Variants in SEPTIN4 observed in about 807,000 individuals in gnomAD.
SEPTIN4 encodes septin 4.
SEPTIN4 carries 52 observed loss-of-function variants against 107.1 expected under a neutral mutation model. The ratio of observed to expected loss-of-function variants is 0.49; its 90% confidence interval spans 0.39 to 0.61. The LOEUF (loss-of-function observed/expected upper bound fraction) is 0.61, where lower values mean the gene tolerates loss of function less well. SEPTIN4 is among the 20% of genes least tolerant of loss of function. The pLI, the probability that SEPTIN4 is intolerant of heterozygous loss-of-function variation, is 0.00. For missense variants in SEPTIN4, 1,048 were observed against 1,243.5 expected, an observed-to-expected ratio of 0.84 and a Z score of 2.36; for synonymous variants, 417 against 467.0, an observed-to-expected ratio of 0.89 and a Z score of 1.38.
At chr17:58,539,611 T>G (rs2043822808) in intron 3 of SEPTIN4, among the ~76,000 whole-genome samples, 1 of 152,216 alleles carries the variant, frequency 6.6e-6, no homozygotes, top group Admixed American at 6.5e-5. Flanking sequence ...TGTCTGTGTT[T>G]TATCTCCCCA....
In SEPTIN4 at chr17:58,521,292, C is replaced by T. The variant is rs756520579; in HGVS notation, c.2630G>A (p.Arg877Gln). 1.8e-5 allele frequency: 29 copies of T among 1,614,100 alleles called. No homozygotes were observed. The East Asian group carries it at 5.6e-4, about 31-fold the overall frequency. ...CCAGGGGTAGAGTCGACCCCGAACT[C>T]GCCGCCCTCTGGCCTCTACTACAGT... ...SNTVVEARGR[R>Q]VRGRLYPWGI... Residue 877 changes from arginine to glutamine, a missense_variant, in exon 11 of 14, where the codon CGA becomes CAA. Coordinates refer to ENST00000672673, the MANE Select transcript of SEPTIN4 (RefSeq NM_001368771.2). This position sits in a 1 kb window ranked among gnomAD's most constrained non-coding sequence, Gnocchi z 6.4.
At position 58,541,962 on chromosome 17, in the gene SEPTIN4, G is replaced by C; in HGVS notation, c.1566C>G (p.Val522=). 6.2e-7 allele frequency: 1 copy of C among 1,613,890 alleles called. No homozygotes were observed. The highest frequency in any genetic ancestry group is 8.5e-7 in the Non-Finnish European group (1 of 1,179,954). Residue 522 remains valine, a synonymous_variant, in exon 2 of 14, where the codon GTC becomes GTG. Transcript: ENST00000672673. ...IQRFTAFFLD[V]SEEMYNRVIW... The stretch of plus-strand genomic sequence containing the variant: ...TGACACGATTGTACATTTCCTCAGA[G>C]ACATCTGAAAGTAACAGAGAGATGG...
intron 7 of SEPTIN4, among the ~76,000 whole-genome samples, chr17:58,523,142 T>C (rs1178494434): frequency 6.6e-6 from 1 of 151,966 alleles, no homozygotes; most frequent in Non-Finnish European, 1.5e-5. Context: ...GAGGCCAAGG[T>C]AGGCTGATCA....
intron 4 of SEPTIN4, 87 bp downstream of exon 4, chr17:58,526,573 AACACACACACACACACACACAC>A (rs3034932): frequency 3.1e-6 from 4 of 1,303,804 alleles, no homozygotes; most frequent in Non-Finnish European, 2.0e-6. Context: ...CACACACACA[AACACACACACACACACACACAC>A]ACACACACAC....
chr17:58,538,991 C>G lies in SEPTIN4; in HGVS notation c.1614+1675G>C. 1 of 552,448 alleles carries G rather than the reference C, an allele frequency of 1.8e-6. No individual in the cohort carries two copies. Among genetic ancestry groups the G allele is most frequent in the Non-Finnish European group, 3.1e-6 (1 of 322,196 alleles). 34.2% of individuals were successfully genotyped at this position (552,448 alleles called of 1,614,324 possible). A position where few individuals can be genotyped will look rare whatever the true frequency, so the allele number is the denominator to read the frequency against. The stretch of plus-strand genomic sequence containing the variant: ...CAGAGGAATCAGAGGCCTTGGACAC[C>G]AGCACCACAGCGTCTCCATCCTGAG... On this transcript the variant is annotated intron_variant, in intron 3 of 13. Transcript: ENST00000672673. This position sits in a 1 kb window ranked among gnomAD's most constrained non-coding sequence, Gnocchi z 4.7.
Position 58,543,393 on chromosome 17 carries a change from C to G in SEPTIN4, c.794G>C (p.Arg265Thr). ...GAGCAATGAGTCCAAGTTCATATTC[C>G]TATACAAGGCCTTGGGTTTTGAAGG... ...PIPSKPKALYRNMNLDSLLKL... is the reference protein window; with the variant it reads ...PIPSKPKALYTNMNLDSLLKL... Residue 265 changes from arginine to threonine, a missense_variant, in exon 1 of 14, where the codon AGG becomes ACG. Arg to Thr is a moderately conservative substitution (Grantham distance 71). Transcript: ENST00000672673. 1.2e-6 allele frequency: 2 copies of G among 1,614,174 alleles called. No individual in the cohort carries two copies. Among genetic ancestry groups the G allele is most frequent in the South Asian group, 2.2e-5 (2 of 91,076 alleles).
chr17:58,529,924 CCTGACCT>C, intron 3 of SEPTIN4: 2 of 152,256 alleles, frequency 1.3e-5, no homozygotes, highest in Middle Eastern at 3.4e-3. Context: ...CCCTAGGACA[CCTGACCT>C]CTGACTTATA....
At position 58,521,712 on chromosome 17, in the gene SEPTIN4, C is replaced by T; in HGVS notation, c.2469+24G>A. On this transcript the variant is annotated intron_variant, in intron 9 of 13. Coordinates refer to ENST00000672673, the MANE Select transcript of SEPTIN4 (RefSeq NM_001368771.2). The surrounding 1 kb of genome is among the most constrained non-coding windows in gnomAD (Gnocchi z 6.4). ...TCCTTTCTAGAAGCCCACCTGATCC[C>T]CTCCCACCACCAGCTTCCCTCACTT... is the stretch of plus-strand genomic sequence containing the variant. 5.0e-6 allele frequency: 8 copies of T among 1,614,230 alleles called. No homozygotes were observed. Among genetic ancestry groups the T allele is most frequent in the Non-Finnish European group, 6.8e-6 (8 of 1,180,040 alleles).
Position 58,542,997 on chromosome 17 carries a change from G to T in SEPTIN4, c.1190C>A (p.Ser397Ter), listed in dbSNP as rs145296956. ...TTCTGCATGGATGGAGGGCTTTTGC[G>T]AGAGTTCTGGATACCTGGGTGTAGG... ...QGPTPRYPEL[S>*]QKPSIHAELE... The change falls in exon 1 of 14, where the codon TCG (serine) becomes TAG (stop). Residue 397 changes from serine (S) to a stop codon, truncating the protein, a stop_gained. Coordinates refer to ENST00000672673, the MANE Select transcript of SEPTIN4 (RefSeq NM_001368771.2). LOFTEE classifies it high-confidence loss of function. 1.2e-6 allele frequency: 2 copies of T among 1,612,470 alleles called. No homozygotes were observed. Among genetic ancestry groups the T allele is most frequent in the South Asian group, 2.2e-5 (2 of 90,840 alleles).
In SEPTIN4 at chr17:58,526,718, G is replaced by C; in HGVS notation, c.1875C>G (p.Ser625Arg). Residue 625 changes from serine (S) to arginine (R), a missense_variant, in exon 4 of 14, where the codon AGC (serine) becomes AGG (arginine). Coordinates refer to ENST00000672673, the MANE Select transcript of SEPTIN4 (RefSeq NM_001368771.2). ...APLSPSARPR[S>R]PWGKLDPYDS... ...CATAGGGATCAAGCTTGCCCCATGGGCTGCGGGGCCTGGCAGATGGGCTGA... is the reference window on the plus strand; with the variant it reads ...CATAGGGATCAAGCTTGCCCCATGGCCTGCGGGGCCTGGCAGATGGGCTGA... The C allele has an allele frequency of 6.2e-7, 1 of 1,604,102 alleles. No individual in the cohort carries two copies.
intron 3 of SEPTIN4, chr17:58,529,949 G>A (rs918437295): frequency 2.0e-5 from 3 of 152,150 alleles, no homozygotes; most frequent in Admixed American, 6.5e-5. Flanking sequence ...ATAGCAACCT[G>A]TATCAATTAG....
chr17:58,541,977 C>CA lies in SEPTIN4; in HGVS notation c.1562-12dup. 2 of 1,613,344 alleles carry CA rather than the reference C, an allele frequency of 1.2e-6. No individual in the cohort carries two copies. Among genetic ancestry groups the CA allele is most frequent in the Non-Finnish European group, 1.7e-6 (2 of 1,179,724 alleles). ...TTTCCTCAGAGACATCTGAAAGTAACAGAGAGATGGTTGCTTTTCTTCTCT... is the reference window on the plus strand; with the variant it reads ...TTTCCTCAGAGACATCTGAAAGTAACAAGAGAGATGGTTGCTTTTCTTCTCT... On this transcript the variant is annotated splice_polypyrimidine_tract_variant and intron_variant, in intron 1 of 13. Transcript: ENST00000672673.
chr17:58,531,831 G>A (rs2043490626), intron 3 of SEPTIN4: 3 of 895,708 alleles, frequency 3.3e-6, no homozygotes, highest in African/African-American at 1.8e-5. Flanking sequence ...GCCCGGGGCC[G>A]GCGACGGCGC....
intron 7 of SEPTIN4, among the ~76,000 whole-genome samples, chr17:58,522,816 C>T (rs1421015640): frequency 6.6e-6 from 1 of 152,030 alleles, no homozygotes; most frequent in Non-Finnish European, 1.5e-5. Context: ...CTCTCCAAAC[C>T]CACTCCATCC....
chr17:58,520,983 G>A lies in SEPTIN4; in HGVS notation c.2831+15C>T. 6.2e-7 allele frequency: 1 copy of A among 1,613,758 alleles called. No individual in the cohort carries two copies. Among genetic ancestry groups the A allele is most frequent in the Non-Finnish European group, 8.5e-7 (1 of 1,179,948 alleles). On this transcript the variant is annotated intron_variant, in intron 12 of 13. Coordinates refer to ENST00000672673, the MANE Select transcript of SEPTIN4 (RefSeq NM_001368771.2). ...GATCTCCCCCTGCCAGCTTTGTCCT[G>A]GCTTCTGGTCATACTTGCGATTCCG... is the stretch of plus-strand genomic sequence containing the variant.
Position 58,520,448 on chromosome 17 carries a change from TTTTG to T in SEPTIN4, c.2965_2968del (p.Gln989AsnfsTer3). On this transcript the variant is annotated frameshift_variant, in exon 14 of 14. Transcript: ENST00000672673. LOFTEE classifies it high-confidence loss of function. ...CAGTTAATAGTTCTCCTTCATCTGT[TTTTG>T]TATTTTGTGTAGCATCTCCTGCATC... is the stretch of plus-strand genomic sequence containing the variant. 6.2e-7 allele frequency: 1 copy of T among 1,613,414 alleles called. No homozygotes were observed. Among genetic ancestry groups the T allele is most frequent in the Non-Finnish European group, 8.5e-7 (1 of 1,180,040 alleles).
At chr17:58,526,150 C>T in intron 5 of SEPTIN4, 70 bp downstream of exon 5, 3 of 1,487,904 alleles carry the variant, frequency 2.0e-6, no homozygotes, top group Non-Finnish European at 2.7e-6. Context: ...ACTCCCTTCC[C>T]ACTCACGGAC....
intron 3 of SEPTIN4, chr17:58,527,209 A>C (rs1039176327): frequency 1.2e-6 from 1 of 814,652 alleles, no homozygotes; most frequent in Non-Finnish European, 2.1e-6. Flanking sequence ...AGGGTCCAGG[A>C]AGAGCCCTGG....
chr17:58,521,869 C>T lies in SEPTIN4; in HGVS notation c.2352-16G>A. ...TGGCCGGAGCCTGGGGAACAGGAAC[C>T]TGTGACCACCTGCTAGTGGCAGCCC... On this transcript the variant is annotated splice_polypyrimidine_tract_variant and intron_variant, in intron 8 of 13. Coordinates refer to ENST00000672673, the MANE Select transcript of SEPTIN4 (RefSeq NM_001368771.2). The surrounding 1 kb of genome is among the most constrained non-coding windows in gnomAD (Gnocchi z 6.4). The T allele has an allele frequency of 6.2e-7, 1 of 1,614,246 alleles. No homozygotes were observed. The highest frequency in any genetic ancestry group is 1.7e-5 in the Admixed American group (1 of 60,036).
Sources: allele counts gnomAD v4.1 joint callset (sites outside exome capture counted in the v4.1 genomes callset), GRCh38; gene constraint gnomAD v4.1.1; non-coding constraint Gnocchi (gnomAD v3.1); transcripts MANE v1.5; gene names NCBI Gene and HGNC (gene_info 2026-07-23, HGNC 2026-07-21).